The following CMIP variants were observed in gnomAD, a reference collection of about 807,000 sequenced individuals.
CMIP encodes the protein C-Maf-inducing protein.
A neutral mutation model predicts 97.3 loss-of-function variants in CMIP; 13 were observed. The ratio of observed to expected loss-of-function variants is 0.13; its 90% CI spans 0.09 to 0.21. The LOEUF is 0.21. Among genes scored for constraint, CMIP ranks in the 10% least tolerant of loss-of-function variants. The pLI is 1.00. For missense variants in CMIP, 847 were observed against 1,024.9 expected, an observed-to-expected ratio of 0.83 and a Z score of 2.37; for synonymous variants, 538 against 436.3, an observed-to-expected ratio of 1.23 and a Z score of -2.91.
Position 81,627,992 on chromosome 16 carries a change from G to T in CMIP, c.477+7066G>T, listed in dbSNP as rs2092098000. ...CACTGGCTGCACCCTCAGGAGGGCGGGATCCATCACCCTCATCCCCATGCA... is the reference window on the plus strand; with the variant it reads ...CACTGGCTGCACCCTCAGGAGGGCGTGATCCATCACCCTCATCCCCATGCA... On this transcript the variant is annotated intron_variant, in intron 3 of 20. Coordinates refer to ENST00000537098, the MANE Select transcript of CMIP (RefSeq NM_198390.3). This position sits in a 1 kb window ranked among gnomAD's most constrained non-coding sequence, Gnocchi z 4.6. Among the ~76,000 whole-genome samples, 1 of 152,138 alleles carries T rather than the reference G, an allele frequency of 6.6e-6. No homozygotes were observed. Among genetic ancestry groups the T allele is most frequent in the South Asian group, 2.1e-4 (1 of 4,836 alleles).
At chr16:81,466,555 TATC>T (rs774405152) in intron 1 of CMIP, among the ~76,000 whole-genome samples, 13 of 152,236 alleles carry the variant, frequency 8.5e-5, no homozygotes, top group Non-Finnish European at 1.6e-4. Context: ...ATCACAGGGT[TATC>T]ATGAGGCATA....
chr16:81,626,782 AGAGAGAGTGTGTGTGT>A (rs1187210595), intron 3 of CMIP, among the ~76,000 whole-genome samples: 83 of 66,614 alleles, frequency 1.2e-3, no homozygotes, highest in Admixed American at 3.9e-3. Context: ...TGACAGAGAG[AGAGAGAGTGTGTGTGT>A]GTGTGTGTGT....
intron 1 of CMIP, among the ~76,000 whole-genome samples, chr16:81,574,851 A>G (rs1230965863): frequency 6.6e-6 from 1 of 152,206 alleles, no homozygotes; most frequent in East Asian, 1.9e-4. Context: ...CTGCAAGATC[A>G]CGTGGGCAAG....
rs989818620 is a variant in CMIP at position 81,554,563 on chromosome 16, C to T, written c.301-53004C>T. On this transcript the variant is annotated intron_variant, in intron 1 of 20. Transcript: ENST00000537098. ...AGAAGTTTGCAGAATCCCAGACTGG[C>T]AAATATGGGTGTATAATCGAATTCA... Among the ~76,000 whole-genome samples the T allele has an allele frequency of 2.6e-5, 4 of 152,336 alleles. 1 individual carries two copies. The highest frequency in any genetic ancestry group is 2.9e-5 in the Non-Finnish European group (2 of 68,032).
At chr16:81,533,748 G>C (rs2090286537) in intron 1 of CMIP, among the ~76,000 whole-genome samples, 1 of 152,132 alleles carries the variant, frequency 6.6e-6, no homozygotes, top group Non-Finnish European at 1.5e-5. Context: ...CTAAGTGCTG[G>C]GATTACAGGC....
chr16:81,474,386 C>T lies in CMIP; in HGVS notation c.300+28845C>T, dbSNP rs923984019. ...TTCCTCCCTTCCCCCTTCCTTTCTC[C>T]GCTCTCTCTTTCCTTCACTCCCTTC... is the stretch of plus-strand genomic sequence containing the variant. On this transcript the variant is annotated intron_variant, in intron 1 of 20. Coordinates refer to ENST00000537098, the MANE Select transcript of CMIP (RefSeq NM_198390.3). Among the ~76,000 whole-genome samples, 10 of 152,072 alleles carry T rather than the reference C, an allele frequency of 6.6e-5. No homozygotes were observed. In the South Asian group the frequency reaches 1.0e-3, roughly 16 times the overall value.
At chr16:81,535,935 G>A (rs1377860264) in intron 1 of CMIP, among the ~76,000 whole-genome samples, 1 of 152,150 alleles carries the variant, frequency 6.6e-6, no homozygotes, top group Non-Finnish European at 1.5e-5. Flanking sequence ...CAAGGCGAGA[G>A]CATCTTGGAT....
At chr16:81,656,237 G>A (rs918966479) in intron 4 of CMIP, among the ~76,000 whole-genome samples, 1 of 152,268 alleles carries the variant, frequency 6.6e-6, no homozygotes, top group African/African-American at 2.4e-5. Context: ...AGCTTATTGG[G>A]CAAAAGCAAA....
chr16:81,578,740 C>T (rs1006766730), intron 1 of CMIP, among the ~76,000 whole-genome samples: 1 of 152,258 alleles, frequency 6.6e-6, no homozygotes, highest in African/African-American at 2.4e-5. Flanking sequence ...GTGTCCCTCT[C>T]TGGGGACCAT....
chr16:81,466,171 C>T (rs1031083187), intron 1 of CMIP, among the ~76,000 whole-genome samples: 1 of 152,152 alleles, frequency 6.6e-6, no homozygotes, highest in African/African-American at 2.4e-5. Context: ...AGTGATCCTC[C>T]CACCTCAGCC....
intron 19 of CMIP, among the ~76,000 whole-genome samples, 187 bp from the exon 20 acceptor site, chr16:81,706,827 G>A (rs1184989465): frequency 6.6e-6 from 1 of 152,158 alleles, no homozygotes; most frequent in Non-Finnish European, 1.5e-5. Flanking sequence ...ACCAGCACGT[G>A]CCTGAAATAG....
At chr16:81,675,608 G>A (rs1481953921) in intron 9 of CMIP, among the ~76,000 whole-genome samples, 1 of 152,124 alleles carries the variant, frequency 6.6e-6, no homozygotes, top group Non-Finnish European at 1.5e-5. Flanking sequence ...AACATTTCTG[G>A]GGTATGGCCC....
chr16:81,667,787 AGAGAGAGAGAGAGT>A (rs1213295696), intron 7 of CMIP, among the ~76,000 whole-genome samples: 2,325 of 125,388 alleles, frequency 0.019, 12 homozygotes, highest in Non-Finnish European at 0.025. Flanking sequence ...AGAGAGAGAG[AGAGAGAGAGAGAGT>A]GTGTGTGTGT....
intron 10 of CMIP, among the ~76,000 whole-genome samples, chr16:81,685,361 C>T (rs956851485): frequency 5.3e-5 from 8 of 152,174 alleles, no homozygotes; most frequent in Admixed American, 6.5e-5. Flanking sequence ...GTACAGGCCA[C>T]GCTCACGGTT....
chr16:81,556,563 A>C (rs1437879328), intron 1 of CMIP, among the ~76,000 whole-genome samples: 1 of 152,200 alleles, frequency 6.6e-6, no homozygotes. Flanking sequence ...CTCCAGAGAC[A>C]GAAGGTGGAA....
intron 13 of CMIP, chr16:81,696,315 C>A: frequency 1.7e-6 from 1 of 577,390 alleles, no homozygotes; most frequent in Non-Finnish European, 3.1e-6. Flanking sequence ...CGGGGCCTGC[C>A]CTCCCTCCTG....
intron 1 of CMIP, among the ~76,000 whole-genome samples, chr16:81,525,053 C>T (rs2090103779): frequency 6.6e-6 from 1 of 152,152 alleles, no homozygotes; most frequent in Admixed American, 6.5e-5. Context: ...ACCTCGGCCT[C>T]CCAAAGTACT....
At chr16:81,664,810 C>A in intron 7 of CMIP, 1 of 283,798 alleles carries the variant, frequency 3.5e-6, no homozygotes, top group Non-Finnish European at 6.5e-6. Context: ...ACATCGACAA[C>A]AACAAGCCAG....
intron 10 of CMIP, among the ~76,000 whole-genome samples, chr16:81,690,455 T>G (rs1338289626): frequency 6.6e-6 from 1 of 152,204 alleles, no homozygotes; most frequent in Non-Finnish European, 1.5e-5. Context: ...AAAATAGAAG[T>G]ATCCACCAAG....
Sources: allele counts gnomAD v4.1 joint callset (sites outside exome capture counted in the v4.1 genomes callset), GRCh38; gene constraint gnomAD v4.1.1; non-coding constraint Gnocchi (gnomAD v3.1); transcripts MANE v1.5; gene names NCBI Gene and HGNC (gene_info 2026-07-23, HGNC 2026-07-21).